The following CNIH3 variants were observed in gnomAD, a reference collection of about 807,000 sequenced individuals.
The protein encoded by CNIH3 is cornichon family AMPA receptor auxiliary protein 3.
Under a neutral mutation model 24.1 loss-of-function variants are expected in CNIH3, and 14 were observed. That is an observed-to-expected ratio of 0.58 (90% confidence interval 0.38 to 0.91). The LOEUF (loss-of-function observed/expected upper bound fraction) is 0.91, where lower values mean the gene tolerates loss of function less well. Among genes scored for constraint, CNIH3 ranks in the 40% least tolerant of loss-of-function variants. CNIH3 has a pLI of 0.00. For missense variants in CNIH3, 178 were observed against 196.8 expected (o/e 0.90, Z 0.57); for synonymous variants, 68 against 73.8 (o/e 0.92, Z 0.40).
chr1:224,555,866 C>T (rs1342131082), intron 3 of CNIH3, among the ~76,000 whole-genome samples: 1 of 152,160 alleles, frequency 6.6e-6, no homozygotes, highest in Non-Finnish European at 1.5e-5. Flanking sequence ...ATGAAATGGC[C>T]ATGCTCCCGG....
intron 1 of CNIH3, chr1:224,459,171 C>G: frequency 1.0e-6 from 1 of 952,384 alleles, no homozygotes; most frequent in Non-Finnish European, 1.2e-6. Flanking sequence ...CTTTGCCTTC[C>G]CCTCTTTCTT....
intron 3 of CNIH3, among the ~76,000 whole-genome samples, chr1:224,699,667 C>T (rs1687376783): frequency 6.6e-6 from 1 of 152,176 alleles, no homozygotes; most frequent in Admixed American, 6.5e-5. Context: ...ATAATTTAAG[C>T]ATACCTTTAG....
chr1:224,591,889 G>T (rs1389983368), downstream of CNIH3, among the ~76,000 whole-genome samples: 2 of 152,172 alleles, frequency 1.3e-5, no homozygotes, highest in Non-Finnish European at 1.5e-5. Flanking sequence ...CAGAGTGTGA[G>T]AATTAAAAAA....
At chr1:224,727,348 A>G (rs1689086666) in intron 3 of CNIH3, among the ~76,000 whole-genome samples, 2 of 152,126 alleles carry the variant, frequency 1.3e-5, no homozygotes, top group South Asian at 2.1e-4. Context: ...TACTGCTCAC[A>G]CTCTAGTCCA....
At chr1:224,521,444 T>C (rs374838368) in intron 2 of CNIH3, 2 of 152,330 alleles carry the variant, frequency 1.3e-5, no homozygotes, top group African/African-American at 4.8e-5. Context: ...CCAGTCTCCA[T>C]TGTGCCTCCT....
intron 3 of CNIH3, among the ~76,000 whole-genome samples, chr1:224,729,079 G>A (rs771929722): frequency 9.9e-5 from 15 of 152,062 alleles, no homozygotes; most frequent in Non-Finnish European, 2.1e-4. Context: ...AGGGGAGGGT[G>A]GAGGAACAAG....
intron 3 of CNIH3, among the ~76,000 whole-genome samples, chr1:224,712,331 A>G (rs532106619): frequency 2.0e-5 from 3 of 152,252 alleles, no homozygotes; most frequent in African/African-American, 2.4e-5. Context: ...CTGATGTGCA[A>G]TGGTTTTGGG....
chr1:224,462,815 AT>A (rs2102985336), intron 1 of CNIH3, among the ~76,000 whole-genome samples: 1 of 140,318 alleles, frequency 7.1e-6, no homozygotes, highest in African/African-American at 2.7e-5. Context: ...AATTTTTTGT[AT>A]TTTTATTGTA....
chr1:224,721,898 C>G (rs1257581771), intron 3 of CNIH3, among the ~76,000 whole-genome samples: 1 of 152,156 alleles, frequency 6.6e-6, no homozygotes, highest in African/African-American at 2.4e-5. Flanking sequence ...CCAAAGCCAG[C>G]CCTCCAAGAC....
At chr1:224,660,776 A>C (rs1171925459) in intron 1 of CNIH3, among the ~76,000 whole-genome samples, 2 of 152,240 alleles carry the variant, frequency 1.3e-5, no homozygotes, top group Non-Finnish European at 2.9e-5. Flanking sequence ...TTGTTTCTAT[A>C]GAAGGCTTAT....
At chr1:224,468,229 C>T (rs1039225530) in intron 1 of CNIH3, among the ~76,000 whole-genome samples, 1 of 152,082 alleles carries the variant, frequency 6.6e-6, no homozygotes, top group East Asian at 1.9e-4. Flanking sequence ...CTATAAGAAG[C>T]CTTGCTGGAA....
intron 1 of CNIH3, among the ~76,000 whole-genome samples, chr1:224,444,080 T>C (rs1334856157): frequency 1.3e-5 from 2 of 152,194 alleles, no homozygotes; most frequent in African/African-American, 2.4e-5. Context: ...ATAGCTATCA[T>C]CTATGCTTGT....
chr1:224,480,527 C>T (rs1676765840), intron 1 of CNIH3, among the ~76,000 whole-genome samples: 1 of 152,190 alleles, frequency 6.6e-6, no homozygotes, highest in Non-Finnish European at 1.5e-5. Flanking sequence ...CTCTGCTTCC[C>T]TTATAAAACT....
rs867945628 is a variant in CNIH3 at position 224,704,676 on chromosome 1, G to A, written c.198+19833G>A. Among the ~76,000 whole-genome samples, 12 of 152,072 alleles carry A rather than the reference G, an allele frequency of 7.9e-5. No homozygotes were observed. Among genetic ancestry groups the A allele is most frequent in the South Asian group, 4.2e-4 (2 of 4,814 alleles). On this transcript the variant is annotated intron_variant, in intron 3 of 5. Coordinates refer to ENST00000272133, the MANE Select transcript of CNIH3 (RefSeq NM_152495.2). This position sits in a 1 kb window ranked among gnomAD's most constrained non-coding sequence, Gnocchi z 4.2. ...ATCTGCATCCCCAAATACATCCTCC[G>A]ACATAACCACAATACCATTGTCACA...
chr1:224,493,836 G>A (rs999239580), intron 1 of CNIH3, among the ~76,000 whole-genome samples: 1 of 152,080 alleles, frequency 6.6e-6, no homozygotes, highest in Non-Finnish European at 1.5e-5. Context: ...ACCTGGAGGA[G>A]ACTCAATAAT....
chr1:224,573,321 A>T (rs1478040368), intron 4 of CNIH3, among the ~76,000 whole-genome samples: 1 of 152,112 alleles, frequency 6.6e-6, no homozygotes, highest in Non-Finnish European at 1.5e-5. Flanking sequence ...GGAAGAGAGT[A>T]TGTAGGAAGT....
At chr1:224,516,665 C>T (rs1678396980) in intron 1 of CNIH3, among the ~76,000 whole-genome samples, 1 of 152,262 alleles carries the variant, frequency 6.6e-6, no homozygotes, top group Non-Finnish European at 1.5e-5. Flanking sequence ...TAGGCCTCCC[C>T]AGACAGCCTG....
chr1:224,716,237 T>G (rs1278027669), intron 3 of CNIH3, among the ~76,000 whole-genome samples: 6 of 152,214 alleles, frequency 3.9e-5, no homozygotes, highest in Non-Finnish European at 1.5e-5. Flanking sequence ...CAGCTTTGAT[T>G]ATTATTCTTC....
Position 224,684,768 on chromosome 1 carries a change from C to T in CNIH3, c.151-28C>T. ...TTTAGCAGAACCCCTAACCTCCCCT[C>T]TCATTTCTTTCTTGTGCATCCTGAT... On this transcript the variant is annotated intron_variant, in intron 2 of 5. Transcript: ENST00000272133. This position sits in a 1 kb window ranked among gnomAD's most constrained non-coding sequence, Gnocchi z 4.2. 1 of 1,610,498 alleles carries T rather than the reference C, an allele frequency of 6.2e-7. No individual in the cohort carries two copies. Among genetic ancestry groups the T allele is most frequent in the Non-Finnish European group, 8.5e-7 (1 of 1,176,730 alleles).
Sources: allele counts gnomAD v4.1 joint callset (sites outside exome capture counted in the v4.1 genomes callset), GRCh38; gene constraint gnomAD v4.1.1; non-coding constraint Gnocchi (gnomAD v3.1); transcripts MANE v1.5; gene names NCBI Gene and HGNC (gene_info 2026-07-23, HGNC 2026-07-21).